Variants in SLC35D2 observed in about 807,000 individuals in gnomAD.
SLC35D2 encodes the protein solute carrier family 35 member D2.
SLC35D2 carries 43 observed loss-of-function variants against 41.8 expected under a neutral mutation model. The observed-to-expected ratio is 1.03, with a 90% confidence interval of 0.81 to 1.33. SLC35D2 has a LOEUF of 1.33. Among genes scored for constraint, SLC35D2 ranks in the 40% most tolerant of loss-of-function variants. The probability of loss-of-function intolerance (pLI) is 0.00; values close to 1 mark genes in which losing one functional copy is unlikely to be tolerated. For missense variants in SLC35D2, 380 were observed against 408.4 expected (o/e 0.93, Z 0.60); for synonymous variants, 150 against 163.9 (o/e 0.92, Z 0.65).
At chr9:96,382,207 T>C (rs911214316) in intron 1 of SLC35D2, among the ~76,000 whole-genome samples, 15 of 151,824 alleles carry the variant, frequency 9.9e-5, no homozygotes, top group African/African-American at 1.9e-4. Flanking sequence ...CTGGATGAGA[T>C]AGTTTGCACC....
At position 96,352,104 on chromosome 9, in the gene SLC35D2, G is replaced by A. The variant is rs139645246; in HGVS notation, c.353C>T (p.Pro118Leu). 56 of 1,609,728 alleles carry A rather than the reference G, an allele frequency of 3.5e-5. No individual in the cohort carries two copies. Among genetic ancestry groups the A allele is most frequent in the African/African-American group, 6.7e-5 (5 of 74,792 alleles). The change falls in exon 5 of 12, where the codon CCG (proline) becomes CTG (leucine). Residue 118 changes from proline (P) to leucine (L), a missense_variant. Coordinates refer to ENST00000253270, the MANE Select transcript of SLC35D2 (RefSeq NM_007001.3). ...GLSSTSKLSL[P>L]MFTVLRKFTI... ...GAATTTCCTGAGCACGGTGAACATC[G>A]GTAGGCTGCCAGGAAAAGAGTGAAG...
intron 1 of SLC35D2, among the ~76,000 whole-genome samples, chr9:96,372,789 T>A (rs1413049889): frequency 1.3e-5 from 2 of 151,434 alleles, no homozygotes; most frequent in Non-Finnish European, 2.9e-5. Flanking sequence ...TTTCACCATG[T>A]TAGCCAGGCT....
At chr9:96,383,303 G>A (rs1244803696) in intron 1 of SLC35D2, among the ~76,000 whole-genome samples, 174 bp downstream of exon 1, 1 of 152,186 alleles carries the variant, frequency 6.6e-6, no homozygotes, top group African/African-American at 2.4e-5. Flanking sequence ...TGTGGCCTGA[G>A]TGTAGAAAGC....
chr9:96,367,675 G>A (rs1409348189), intron 2 of SLC35D2, among the ~76,000 whole-genome samples: 2 of 152,188 alleles, frequency 1.3e-5, no homozygotes, highest in East Asian at 3.9e-4. Context: ...CTAGCTACTT[G>A]GGAGGCTGAG....
chr9:96,347,937 T>C (rs761910977), intron 6 of SLC35D2, among the ~76,000 whole-genome samples: 10 of 152,184 alleles, frequency 6.6e-5, no homozygotes, highest in Non-Finnish European at 1.3e-4. Context: ...CTACCCTATA[T>C]GGTCTAAAAG....
At chr9:96,376,009 A>G (rs1221634956) in intron 1 of SLC35D2, among the ~76,000 whole-genome samples, 2 of 151,010 alleles carry the variant, frequency 1.3e-5, no homozygotes, top group East Asian at 3.9e-4. Flanking sequence ...AAAAATACAA[A>G]AATTGGCCGG....
chr9:96,350,699 C>T (rs13283062), intron 6 of SLC35D2: 4,511 of 157,512 alleles, frequency 0.029, 85 homozygotes, highest in Middle Eastern at 0.058. Context: ...CCATCGGAAA[C>T]AGCAACTGCT....
intron 2 of SLC35D2, among the ~76,000 whole-genome samples, chr9:96,366,886 T>C (rs1001360467): frequency 6.6e-6 from 1 of 151,886 alleles, no homozygotes; most frequent in Admixed American, 6.6e-5. Context: ...CCTAAAATGA[T>C]GTTGCAAAGA....
Position 96,351,396 on chromosome 9 carries a change from G to A in SLC35D2, c.420-225C>T, listed in dbSNP as rs573038968. On this transcript the variant is annotated intron_variant, in intron 5 of 11. Coordinates refer to ENST00000253270, the MANE Select transcript of SLC35D2 (RefSeq NM_007001.3). ...AATCTAATTACAAACTGATTTCTCT[G>A]TTCTCACTAGAGAGATACTGGGACA... Among the ~76,000 whole-genome samples, 13 of 151,708 alleles carry A rather than the reference G, an allele frequency of 8.6e-5. No homozygotes were observed. In the South Asian group the frequency reaches 2.3e-3, roughly 27 times the overall value.
rs73536807 is a variant in SLC35D2 at position 96,340,864 on chromosome 9, A to C, written c.684+3040T>G. On this transcript the variant is annotated intron_variant, in intron 8 of 11. Transcript: ENST00000253270. The stretch of plus-strand genomic sequence containing the variant: ...TCGAAGGTACTTACAGACTTTCTAA[A>C]GGAACTTCTGTTTGAAATCTTTGAA... Among the ~76,000 whole-genome samples the C allele has an allele frequency of 2.5e-3, 377 of 152,284 alleles. 1 individual carries two copies. The highest frequency in any genetic ancestry group is 8.5e-3 in the African/African-American group (353 of 41,554).
chr9:96,319,109 G>A (rs573665066), downstream of SLC35D2, among the ~76,000 whole-genome samples: 3 of 152,212 alleles, frequency 2.0e-5, no homozygotes, highest in South Asian at 6.2e-4. Flanking sequence ...AATGGTGGAA[G>A]CAAGCCGAGT....
chr9:96,362,725 T>C (rs1327935427), intron 3 of SLC35D2, among the ~76,000 whole-genome samples: 2 of 152,124 alleles, frequency 1.3e-5, no homozygotes, highest in African/African-American at 4.8e-5. Context: ...GATTTTACCA[T>C]TTTAAAATTT....
At chr9:96,362,406 C>T (rs1302762198) in intron 3 of SLC35D2, among the ~76,000 whole-genome samples, 3 of 152,014 alleles carry the variant, frequency 2.0e-5, no homozygotes, top group Non-Finnish European at 2.9e-5. Context: ...ACTCGGGAGG[C>T]TGAGGCAAGA....
At chr9:96,361,081 T>C (rs1452440350) in intron 3 of SLC35D2, among the ~76,000 whole-genome samples, 1 of 152,026 alleles carries the variant, frequency 6.6e-6, no homozygotes, top group Non-Finnish European at 1.5e-5. Context: ...ATACCAAGAA[T>C]ATGAAGCAAC....
Position 96,324,150 on chromosome 9 carries a change from T to C in SLC35D2, c.772A>G (p.Thr258Ala). Residue 258 changes from threonine to alanine, a missense_variant, in exon 10 of 12, where the codon ACG becomes GCG. By Grantham distance (58) the Thr-to-Ala change is moderately conservative (BLOSUM62 0). Coordinates refer to ENST00000253270, the MANE Select transcript of SLC35D2 (RefSeq NM_007001.3). ...GAATTGTAATAGCTGCACAGAACCG[T>C]GGAGTACATCAGCAGAAACCTGTGA... ...CFLGFLLMYS[T>A]VLCSYYNSAL... is the part of the protein sequence containing the mutation. 2.5e-6 allele frequency: 4 copies of C among 1,613,820 alleles called. No individual in the cohort carries two copies. Among genetic ancestry groups the C allele is most frequent in the Middle Eastern group, 1.7e-4 (1 of 6,058 alleles).
chr9:96,343,016 G>A (rs949482829), intron 8 of SLC35D2, among the ~76,000 whole-genome samples: 4 of 152,224 alleles, frequency 2.6e-5, no homozygotes, highest in African/African-American at 7.2e-5. Context: ...GTCCGGAGTC[G>A]AGTCTGTGGG....
downstream of SLC35D2, among the ~76,000 whole-genome samples, chr9:96,315,993 C>A (rs1346610179): frequency 6.6e-6 from 1 of 152,112 alleles, no homozygotes. Context: ...TTCTGTGAAA[C>A]CCATAATGCA....
chr9:96,376,120 C>A (rs981521134), intron 1 of SLC35D2, among the ~76,000 whole-genome samples: 5 of 151,136 alleles, frequency 3.3e-5, no homozygotes, highest in Non-Finnish European at 7.4e-5. Flanking sequence ...ATGGTGAAAC[C>A]CCTTCTCTAC....
chr9:96,345,487 C>A, intron 6 of SLC35D2, 86 bp from the exon 7 acceptor site: 4 of 745,158 alleles, frequency 5.4e-6, no homozygotes, highest in Non-Finnish European at 9.3e-6. Context: ...TTTCCCTAAT[C>A]AAACCCACTT....
Sources: gnomAD v4.1 joint callset for allele counts (sites outside exome capture counted in the v4.1 genomes callset) on GRCh38, gnomAD v4.1.1 for gene constraint, MANE v1.5 for transcripts, NCBI Gene and HGNC (gene_info 2026-07-23, HGNC 2026-07-21) for gene names.